PRDM10: variants seen among roughly 807,000 people sequenced by gnomAD.
PRDM10 encodes the protein PR/SET domain 10, also known as PR domain zinc finger protein 10.
Under a neutral mutation model 133.1 loss-of-function variants are expected in PRDM10, and 65 were observed. The observed-to-expected ratio is 0.49, with a 90% CI of 0.40 to 0.60. The LOEUF (loss-of-function observed/expected upper bound fraction) is 0.60, where lower values mean the gene tolerates loss of function less well. PRDM10 is among the 20% of genes least tolerant of loss of function. The pLI, the probability that PRDM10 is intolerant of heterozygous loss-of-function variation, is 0.00. For missense variants in PRDM10, 1,137 were observed against 1,507.1 expected (o/e 0.75, Z 4.07); for synonymous variants, 582 against 580.4 (o/e 1.00, Z -0.04).
In PRDM10 at chr11:129,914,762, G is replaced by A. The variant is rs1013583605; in HGVS notation, c.2783C>T (p.Ser928Leu). The change falls in exon 17 of 21, where the codon TCG (serine) becomes TTG (leucine). Residue 928 changes from serine (S) to leucine (L), a missense_variant. This residue lies in a region of PRDM10 where 113 missense variants were observed against 143.7 expected (regional missense o/e 0.79). Transcript: ENST00000360871. ...QRIQYIPVSQ[S>L]ASGLQQPQHI... ...CTGAGGCTGCTGGAGGCCAGACGCCGACTGCGACACAGGGATGTACTGAAT... is the reference window on the plus strand; with the variant it reads ...CTGAGGCTGCTGGAGGCCAGACGCCAACTGCGACACAGGGATGTACTGAAT... 9 of 1,614,102 alleles carry A rather than the reference G, an allele frequency of 5.6e-6. No homozygotes were observed. Among genetic ancestry groups the A allele is most frequent in the African/African-American group, 2.7e-5 (2 of 74,936 alleles).
At chr11:129,933,121 C>T (rs1296753926) in intron 9 of PRDM10, among the ~76,000 whole-genome samples, 1 of 152,198 alleles carries the variant, frequency 6.6e-6, no homozygotes, top group African/African-American at 2.4e-5. Context: ...GTTATGAAAG[C>T]TTCTTTTAGA....
Position 129,923,153 on chromosome 11 carries a change from G to A in PRDM10, c.2034+95C>T, listed in dbSNP as rs1046728255. The A allele has an allele frequency of 1.9e-5, 26 of 1,362,166 alleles. No individual in the cohort carries two copies. The highest frequency in any genetic ancestry group is 2.7e-5 in the East Asian group (1 of 36,956). The allele number at this position is 1,362,166 out of a possible 1,614,324, so 84.4% of individuals were successfully genotyped here. On this transcript the variant is annotated intron_variant, in intron 13 of 20. Transcript: ENST00000360871. The surrounding 1 kb of genome is among the most constrained non-coding windows in gnomAD (Gnocchi z 4.4). ...CTCAGGTCCAGTTCATCAGAGGTGG[G>A]TGATAAACTGATGAAATGAACAGGC...
intron 11 of PRDM10, among the ~76,000 whole-genome samples, chr11:129,930,795 A>T (rs935407844): frequency 1.3e-5 from 2 of 152,208 alleles, no homozygotes; most frequent in Non-Finnish European, 2.9e-5. Context: ...TGTCGTCACT[A>T]AATTGGTCAA....
intron 20 of PRDM10, among the ~76,000 whole-genome samples, chr11:129,904,758 C>G (rs537328219): frequency 8.5e-5 from 13 of 152,310 alleles, no homozygotes; most frequent in African/African-American, 2.9e-4. Context: ...CCTTGGCCCC[C>G]CAAAGTGTTG....
chr11:129,931,317 T>A, intron 10 of PRDM10, 59 bp from the exon 11 acceptor site: 1 of 1,539,100 alleles, frequency 6.5e-7, no homozygotes, highest in Non-Finnish European at 8.8e-7. Context: ...CAGCTCAGAT[T>A]TAGAATTGCT....
chr11:129,949,398 T>G (rs982950326), intron 4 of PRDM10, among the ~76,000 whole-genome samples: 1 of 152,226 alleles, frequency 6.6e-6, no homozygotes, highest in Non-Finnish European at 1.5e-5. Flanking sequence ...TTAGTATTAA[T>G]CATTATTATC....
intron 11 of PRDM10, 146 bp from the exon 12 acceptor site, chr11:129,925,375 G>T: frequency 1.3e-6 from 1 of 749,980 alleles, no homozygotes; most frequent in Non-Finnish European, 2.0e-6. Flanking sequence ...GTTGAAAGGA[G>T]ATTTTTCTGG....
chr11:129,970,303 C>T (rs2135944123), intron 1 of PRDM10, among the ~76,000 whole-genome samples: 1 of 152,284 alleles, frequency 6.6e-6, no homozygotes, highest in South Asian at 2.1e-4. Flanking sequence ...GAAGTAGGCA[C>T]ATTATATCTC....
intron 1 of PRDM10, among the ~76,000 whole-genome samples, chr11:129,987,679 A>G (rs1274421734): frequency 6.6e-6 from 1 of 152,258 alleles, no homozygotes; most frequent in Non-Finnish European, 1.5e-5. Flanking sequence ...TGGTATATCC[A>G]TATAATGGAA....
intron 1 of PRDM10, among the ~76,000 whole-genome samples, chr11:129,994,895 C>T (rs1039454586): frequency 1.7e-4 from 26 of 152,108 alleles, no homozygotes; most frequent in African/African-American, 5.6e-4. Context: ...CCTCGTGATC[C>T]GCCTGCCTCG....
In PRDM10 at chr11:129,930,705, G is replaced by A. The variant is rs116292952; in HGVS notation, c.1530+311C>T. Among the ~76,000 whole-genome samples, 478 of 152,280 alleles carry A rather than the reference G, an allele frequency of 3.1e-3. 2 individuals carry two copies. Among genetic ancestry groups the A allele is most frequent in the African/African-American group, 0.011 (453 of 41,562 alleles). Reference sequence around the variant, plus strand: ...ATATAAATGATTATTATAACTAAATGTACTTATTTCTCCACTTCCAATCTG... The same window carrying A: ...ATATAAATGATTATTATAACTAAATATACTTATTTCTCCACTTCCAATCTG... On this transcript the variant is annotated intron_variant, in intron 11 of 20. Transcript: ENST00000360871.
rs906507163 is a variant in PRDM10 at position 129,944,376 on chromosome 11, C to T, written c.762+395G>A. Among the ~76,000 whole-genome samples, 8 of 151,992 alleles carry T rather than the reference C, an allele frequency of 5.3e-5. No homozygotes were observed. In the East Asian group the frequency reaches 9.7e-4, roughly 18 times the overall value. ...TTGGGAGGCCAAGGCGGGCAGATCA[C>T]GAGGTCAGGAGATCGAGACCACGGT... On this transcript the variant is annotated intron_variant, in intron 6 of 20. Transcript: ENST00000360871.
chr11:129,933,993 G>A (rs778643462), intron 9 of PRDM10, among the ~76,000 whole-genome samples: 2 of 152,080 alleles, frequency 1.3e-5, no homozygotes, highest in African/African-American at 2.4e-5. Context: ...CGGTGCTTTC[G>A]TGCAGCTCTG....
intron 2 of PRDM10, 105 bp from the exon 3 acceptor site, chr11:129,958,015 T>TG: frequency 7.8e-7 from 1 of 1,289,070 alleles, no homozygotes. Context: ...AGAATGGGGA[T>TG]GGATACACCT....
chr11:130,000,664 C>T (rs1939304131), intron 1 of PRDM10, among the ~76,000 whole-genome samples: 3 of 152,186 alleles, frequency 2.0e-5, no homozygotes. Flanking sequence ...AAACGAGGAA[C>T]AGCATAGCAG....
Position 129,923,595 on chromosome 11 carries a change from G to A in PRDM10, c.1879-192C>T, listed in dbSNP as rs1258068347. Among the ~76,000 whole-genome samples the A allele has an allele frequency of 1.5e-5, 2 of 134,212 alleles. No individual in the cohort carries two copies. The highest frequency in any genetic ancestry group is 5.7e-5 in the African/African-American group (2 of 35,056). 88.0% of individuals were successfully genotyped at this position (134,212 alleles called of 152,430 possible). On this transcript the variant is annotated intron_variant, in intron 12 of 20. Coordinates refer to ENST00000360871, the MANE Select transcript of PRDM10 (RefSeq NM_199437.2). This position sits in a 1 kb window ranked among gnomAD's most constrained non-coding sequence, Gnocchi z 4.4. ...TCCCTGTCACAAAGAAATAAAACAA[G>A]TAGCCAGAAAGCCTTAGAAATCCGA...
intron 1 of PRDM10, among the ~76,000 whole-genome samples, chr11:129,988,947 T>C (rs1166042156): frequency 6.6e-6 from 1 of 152,070 alleles, no homozygotes; most frequent in Non-Finnish European, 1.5e-5. Context: ...GCAAACTTTC[T>C]AGAAATATCC....
rs112942576 is a variant in PRDM10 at position 129,960,914 on chromosome 11, A to C, written c.51T>G (p.His17Gln). ...TCTTCACCTGTGCGGCATTCTGTTC[A>C]TGCTCTGCAGATGTCGGCCACACAT... ...SSHVWPTSAE[H>Q]EQNAAQVHFV... Residue 17 changes from histidine (H) to glutamine (Q), a missense_variant, in exon 2 of 21, where the codon CAT (histidine) becomes CAG (glutamine). Physicochemically the swap from His to Gln is conservative, Grantham distance 24. Around this residue, in one of 6 missense-constraint regions of PRDM10, gnomAD observed 635 missense variants for 835.2 expected, o/e 0.76. Coordinates refer to ENST00000360871, the MANE Select transcript of PRDM10 (RefSeq NM_199437.2). The C allele has an allele frequency of 6.2e-7, 1 of 1,614,128 alleles. No individual in the cohort carries two copies. The highest frequency in any genetic ancestry group is 8.5e-7 in the Non-Finnish European group (1 of 1,180,024).
intron 8 of PRDM10, 142 bp downstream of exon 8, chr11:129,937,456 T>C: frequency 1.7e-6 from 1 of 589,984 alleles, no homozygotes; most frequent in Non-Finnish European, 2.9e-6. Flanking sequence ...CTGAATTAGA[T>C]GGAGATGTGT....
Sources: allele counts gnomAD v4.1 joint callset (sites outside exome capture counted in the v4.1 genomes callset), GRCh38; gene constraint gnomAD v4.1.1; regional missense constraint gnomAD v4.1.1; non-coding constraint Gnocchi (gnomAD v3.1); transcripts MANE v1.5; gene names NCBI Gene and HGNC (gene_info 2026-07-23, HGNC 2026-07-21).